The following NAALADL2 variants were observed in gnomAD, a reference collection of about 807,000 sequenced individuals.
NAALADL2 encodes inactive N-acetylated-alpha-linked acidic dipeptidase-like protein 2.
NAALADL2 carries 76 observed loss-of-function variants against 87.2 expected under a neutral mutation model. The ratio of observed to expected loss-of-function variants is 0.87; its 90% confidence interval spans 0.72 to 1.05. The LOEUF (loss-of-function observed/expected upper bound fraction) is 1.05. NAALADL2 is among the 50% of genes least tolerant of loss of function. The pLI is 0.00. For synonymous variants in NAALADL2, 354 were observed against 331.0 expected (o/e 1.07, Z -0.75); for missense variants, 1,089 against 945.8 (o/e 1.15, Z -1.99).
intron 5 of NAALADL2, among the ~76,000 whole-genome samples, chr3:175,441,690 C>G (rs1719795564): frequency 6.6e-6 from 1 of 151,900 alleles, no homozygotes. Flanking sequence ...CACACACACA[C>G]ACACACACAC....
chr3:174,905,512 C>G (rs1732857912), intron 1 of NAALADL2, among the ~76,000 whole-genome samples: 1 of 151,890 alleles, frequency 6.6e-6, no homozygotes, highest in African/African-American at 2.4e-5. Flanking sequence ...GTGGATAAGT[C>G]TTTTTCATAA....
At chr3:175,494,730 C>T (rs1016959023) in intron 9 of NAALADL2, among the ~76,000 whole-genome samples, 8 of 152,080 alleles carry the variant, frequency 5.3e-5, no homozygotes, top group African/African-American at 1.4e-4. Context: ...ATGGACCTAT[C>T]GTCTGCTGTC....
intron 13 of NAALADL2, chr3:175,773,618 A>G (rs1393866852): frequency 1.3e-5 from 2 of 152,170 alleles, no homozygotes; most frequent in Non-Finnish European, 2.9e-5. Flanking sequence ...TCTTTCTGGT[A>G]CAGGAGAGTA....
chr3:174,972,951 G>T (rs551691632), intron 1 of NAALADL2, among the ~76,000 whole-genome samples: 1 of 149,498 alleles, frequency 6.7e-6, no homozygotes, highest in East Asian at 2.0e-4. Context: ...AGCTGAGATC[G>T]TGCCATTGCA....
intron 2 of NAALADL2, among the ~76,000 whole-genome samples, chr3:175,141,136 T>C (rs1031279620): frequency 6.6e-6 from 1 of 152,144 alleles, no homozygotes; most frequent in African/African-American, 2.4e-5. Context: ...ATGGAGAGTG[T>C]GTTCAGCACA....
chr3:175,541,162 C>T (rs1560727944), intron 9 of NAALADL2, among the ~76,000 whole-genome samples: 1 of 152,196 alleles, frequency 6.6e-6, no homozygotes, highest in Non-Finnish European at 1.5e-5. Flanking sequence ...TCAATCCCTT[C>T]ACTCTTAATC....
intron 6 of NAALADL2, among the ~76,000 whole-genome samples, chr3:175,460,848 G>A (rs753141037): frequency 6.6e-5 from 10 of 152,166 alleles, no homozygotes; most frequent in African/African-American, 9.7e-5. Flanking sequence ...CAAAGAGTGC[G>A]CAGCAGCAAT....
intron 1 of NAALADL2, among the ~76,000 whole-genome samples, chr3:174,960,596 C>T (rs1253414093): frequency 1.3e-5 from 2 of 152,006 alleles, no homozygotes; most frequent in Non-Finnish European, 2.9e-5. Context: ...TGCTTTACCC[C>T]TTCATCTAGA....
At chr3:175,162,395 A>T (rs1156444031) in intron 2 of NAALADL2, among the ~76,000 whole-genome samples, 1 of 152,182 alleles carries the variant, frequency 6.6e-6, no homozygotes, top group Non-Finnish European at 1.5e-5. Context: ...TTGAAGTCGT[A>T]TCAGTATGTT....
intron 5 of NAALADL2, among the ~76,000 whole-genome samples, chr3:175,423,938 A>G (rs187045901): frequency 2.4e-4 from 36 of 152,224 alleles, no homozygotes; most frequent in Non-Finnish European, 1.2e-4. Flanking sequence ...TTGTTTCCTG[A>G]GTTTTTAATG....
chr3:175,393,144 G>A (rs1023938204), intron 5 of NAALADL2, among the ~76,000 whole-genome samples: 3 of 150,590 alleles, frequency 2.0e-5, no homozygotes, highest in African/African-American at 7.3e-5. Context: ...CGCGGTGGCG[G>A]GCGCCTGTAG....
rs78121897 is a variant in NAALADL2, at chr3:174,938,085, C to T, written c.43+78635C>T. Among the ~76,000 whole-genome samples the T allele has an allele frequency of 9.4e-3, 1,425 of 151,882 alleles. 24 individuals are homozygous for T. The highest frequency in any genetic ancestry group is 0.033 in the African/African-American group (1,356 of 41,454). ...AAGGTTTGTTATACAGGTAAACTCC[C>T]GTCACAGGGCTTCGTTGTACTGATT... On this transcript the variant is annotated intron_variant, in intron 1 of 13. Transcript: ENST00000454872.
intron 1 of NAALADL2, among the ~76,000 whole-genome samples, chr3:174,956,351 A>T (rs1433680828): frequency 6.6e-6 from 1 of 152,104 alleles, no homozygotes; most frequent in African/African-American, 2.4e-5. Flanking sequence ...TGTCTAAAAA[A>T]GATAAAGGAA....
intron 3 of NAALADL2, among the ~76,000 whole-genome samples, chr3:174,830,293 A>G (rs926722018): frequency 7.3e-5 from 11 of 150,656 alleles, no homozygotes; most frequent in African/African-American, 2.7e-4. Context: ...CGATTTTTGT[A>G]TAAGGTGTAA....
At chr3:175,271,353 C>T (rs183199196) in intron 4 of NAALADL2, among the ~76,000 whole-genome samples, 8 of 151,930 alleles carry the variant, frequency 5.3e-5, no homozygotes, top group Admixed American at 2.6e-4. Flanking sequence ...ATTAGGAAAA[C>T]GTGAATTATT....
intron 10 of NAALADL2, among the ~76,000 whole-genome samples, chr3:175,602,807 G>T (rs1482570898): frequency 2.6e-5 from 4 of 152,110 alleles, no homozygotes; most frequent in Non-Finnish European, 5.9e-5. Context: ...CATATGCAGG[G>T]TTTGTAACAT....
chr3:174,950,824 TAAG>T (rs1000234845), intron 1 of NAALADL2, among the ~76,000 whole-genome samples: 1 of 152,120 alleles, frequency 6.6e-6, no homozygotes, highest in African/African-American at 2.4e-5. Context: ...AACTGAAAAT[TAAG>T]GAGCTTACAA....
chr3:175,627,999 G>A (rs558339429), intron 11 of NAALADL2, among the ~76,000 whole-genome samples: 38 of 151,728 alleles, frequency 2.5e-4, no homozygotes, highest in Admixed American at 5.3e-4. Flanking sequence ...GAAAAAGACC[G>A]CATTGATAGT....
In NAALADL2 at chr3:175,347,737, T is replaced by C. The variant is rs189468291; in HGVS notation, c.1090+23412T>C. Among the ~76,000 whole-genome samples, 35 of 152,270 alleles carry C rather than the reference T, an allele frequency of 2.3e-4. No homozygotes were observed. The East Asian group carries it at 6.6e-3, about 29-fold the overall frequency. On this transcript the variant is annotated intron_variant, in intron 5 of 13. Transcript: ENST00000454872. ...GATGACTTAGACAATACCGATTTCT[T>C]TTTTTATTGTTATTATACTTTAAGT...
Sources: allele counts gnomAD v4.1 joint callset (sites outside exome capture counted in the v4.1 genomes callset), GRCh38; gene constraint gnomAD v4.1.1; transcripts MANE v1.5; gene names NCBI Gene and HGNC (gene_info 2026-07-23, HGNC 2026-07-21).